Variants in APAF1 observed in about 807,000 individuals in gnomAD.
The protein encoded by APAF1 is apoptotic protease-activating factor 1.
Under a neutral mutation model 152.4 loss-of-function variants are expected in APAF1, and 91 were observed. The ratio of observed to expected loss-of-function variants is 0.60; its 90% CI spans 0.50 to 0.71. The LOEUF is 0.71. APAF1 is among the 30% of genes least tolerant of loss of function. APAF1 has a pLI of 0.00. For synonymous variants in APAF1, 484 were observed against 494.1 expected, an observed-to-expected ratio of 0.98 and a Z score of 0.27; for missense variants, 1,283 against 1,472.0, an observed-to-expected ratio of 0.87 and a Z score of 2.10.
At chr12:98,661,800 A>G (rs1218831073) in intron 5 of APAF1, among the ~76,000 whole-genome samples, 1 of 152,104 alleles carries the variant, frequency 6.6e-6, no homozygotes, top group Admixed American at 6.5e-5. Context: ...CATTCAGACA[A>G]AAATGTTATT....
At chr12:98,706,708 A>G in intron 19 of APAF1, 98 bp downstream of exon 19, 1 of 1,363,290 alleles carries the variant, frequency 7.3e-7, no homozygotes, top group Non-Finnish European at 1.0e-6. Flanking sequence ...GGTAAGCAGA[A>G]TAGGAAACTA....
intron 16 of APAF1, among the ~76,000 whole-genome samples, chr12:98,692,838 C>G (rs1037009919): frequency 6.6e-6 from 1 of 152,120 alleles, no homozygotes; most frequent in Non-Finnish European, 1.5e-5. Flanking sequence ...ACGAATAGTG[C>G]TGCAGTGAAT....
In APAF1 at chr12:98,706,361, A is replaced by C; in HGVS notation, c.2596-124A>C. ...GCATAAGACATTTTGTAGTTTTGATAGTGTGTTTCTGAGCAATATTCATTG... is the reference window on the plus strand; with the variant it reads ...GCATAAGACATTTTGTAGTTTTGATCGTGTGTTTCTGAGCAATATTCATTG... On this transcript the variant is annotated intron_variant, in intron 18 of 26. Coordinates refer to ENST00000551964, the MANE Select transcript of APAF1 (RefSeq NM_181861.2). 3 of 931,612 alleles carry C rather than the reference A, an allele frequency of 3.2e-6. No homozygotes were observed. The Admixed American group carries it at 5.2e-5, about 16-fold the overall frequency. 57.7% of individuals were successfully genotyped at this position (931,612 alleles called of 1,614,324 possible).
intron 17 of APAF1, among the ~76,000 whole-genome samples, chr12:98,702,543 G>A (rs888002021): frequency 2.6e-5 from 4 of 151,992 alleles, no homozygotes; most frequent in African/African-American, 7.2e-5. Context: ...AAGAAACTGC[G>A]GCTGGGCGTG....
intron 1 of APAF1, among the ~76,000 whole-genome samples, chr12:98,647,376 CTTG>C (rs2153303393): frequency 6.6e-6 from 1 of 151,300 alleles, no homozygotes; most frequent in African/African-American, 2.4e-5. Flanking sequence ...GATACCAACA[CTTG>C]TTTTTTTTTT....
chr12:98,646,619 T>C (rs1452904635), intron 1 of APAF1, among the ~76,000 whole-genome samples: 3 of 152,244 alleles, frequency 2.0e-5, no homozygotes, highest in African/African-American at 7.2e-5. Context: ...CAATCTTTTC[T>C]GTAGTCTTGG....
chr12:98,729,212 G>A (rs992238214), intron 26 of APAF1, among the ~76,000 whole-genome samples: 1 of 152,224 alleles, frequency 6.6e-6, no homozygotes. Flanking sequence ...ACTTGTAAAA[G>A]TGGTAGAAGA....
At chr12:98,675,270 C>G (rs183703684) in intron 12 of APAF1, among the ~76,000 whole-genome samples, 1 of 152,194 alleles carries the variant, frequency 6.6e-6, no homozygotes, top group East Asian at 1.9e-4. Context: ...TGTTATTTGT[C>G]TAGTACTTTT....
Position 98,671,000 on chromosome 12 carries a change from G to T in APAF1, c.1522G>T (p.Asp508Tyr). The T allele has an allele frequency of 6.2e-7, 1 of 1,612,544 alleles. No individual in the cohort carries two copies. Among genetic ancestry groups the T allele is most frequent in the East Asian group, 2.2e-5 (1 of 44,688 alleles). The change falls in exon 11 of 27, where the codon GAT (aspartate) becomes TAT (tyrosine). Residue 508 changes from aspartate (D) to tyrosine (Y), a missense_variant. By Grantham distance (160) the Asp-to-Tyr change is radical. Coordinates refer to ENST00000551964, the MANE Select transcript of APAF1 (RefSeq NM_181861.2). Reference sequence around the variant, plus strand: ...ACTTTGTGCTTTAATGTTTTCCCTGGATTGGATTAAAGCAAAAACAGAACT... The same window carrying T: ...ACTTTGTGCTTTAATGTTTTCCCTGTATTGGATTAAAGCAAAAACAGAACT... ...KELCALMFSL[D>Y]WIKAKTELVG...
chr12:98,680,619 T>C (rs756314920), intron 14 of APAF1, among the ~76,000 whole-genome samples: 1 of 152,068 alleles, frequency 6.6e-6, no homozygotes, highest in Non-Finnish European at 1.5e-5. Flanking sequence ...GGCATGATCA[T>C]AGCTCACTGT....
At chr12:98,715,692 A>G in intron 22 of APAF1, 140 bp downstream of exon 22, 1 of 934,204 alleles carries the variant, frequency 1.1e-6, no homozygotes, top group Non-Finnish European at 1.7e-6. Flanking sequence ...GCTTAGATGA[A>G]ACCTATGGGT....
chr12:98,686,737 T>A lies in APAF1; in HGVS notation c.2179-11T>A. 1 of 1,612,590 alleles carries A rather than the reference T, an allele frequency of 6.2e-7. No homozygotes were observed. The highest frequency in any genetic ancestry group is 8.5e-7 in the Non-Finnish European group (1 of 1,179,108). On this transcript the variant is annotated splice_polypyrimidine_tract_variant and intron_variant, in intron 15 of 26. Transcript: ENST00000551964. The stretch of plus-strand genomic sequence containing the variant: ...TAGTTGTTTATTTATCTTTTTTTCT[T>A]TCACAAATAGCTTTGGGATTTGAAT...
intron 11 of APAF1, 29 bp downstream of exon 11, chr12:98,671,115 C>A: frequency 7.4e-7 from 1 of 1,344,762 alleles, no homozygotes; most frequent in Non-Finnish European, 1.1e-6. Flanking sequence ...AAAATTAGTG[C>A]TAAAAAGGAA....
chr12:98,690,030 T>C (rs1410192915), intron 16 of APAF1, among the ~76,000 whole-genome samples: 9 of 152,216 alleles, frequency 5.9e-5, no homozygotes, highest in Non-Finnish European at 1.2e-4. Flanking sequence ...AAGTATTCAG[T>C]AAATTTTCTT....
intron 17 of APAF1, among the ~76,000 whole-genome samples, chr12:98,703,041 T>C (rs529384805): frequency 1.3e-5 from 2 of 152,318 alleles, no homozygotes; most frequent in South Asian, 4.1e-4. Flanking sequence ...TCATTTTCTC[T>C]TTTGAATAAA....
At chr12:98,718,050 C>T (rs905037093) in intron 22 of APAF1, among the ~76,000 whole-genome samples, 4 of 152,120 alleles carry the variant, frequency 2.6e-5, no homozygotes, top group African/African-American at 9.7e-5. Context: ...TGGATCTCAA[C>T]ATTTAGTATG....
At chr12:98,692,810 G>A (rs1158403856) in intron 16 of APAF1, among the ~76,000 whole-genome samples, 2 of 152,154 alleles carry the variant, frequency 1.3e-5, no homozygotes, top group Non-Finnish European at 2.9e-5. Context: ...ACCTAGGTTG[G>A]TTTGTGTCTT....
intron 19 of APAF1, among the ~76,000 whole-genome samples, chr12:98,706,816 G>A (rs751846665): frequency 1.5e-4 from 23 of 152,170 alleles, no homozygotes; most frequent in Non-Finnish European, 3.2e-4. Flanking sequence ...CATGGGCCAA[G>A]TGCTGTGGGA....
In APAF1 at chr12:98,662,477, T is replaced by C; in HGVS notation, c.732T>C (p.Asp244=). 1 of 1,613,172 alleles carries C rather than the reference T, an allele frequency of 6.2e-7. No homozygotes were observed. The highest frequency in any genetic ancestry group is 1.7e-4 in the Middle Eastern group (1 of 6,050). The change falls in exon 6 of 27, where the codon GAT becomes GAC. Residue 244 remains aspartate (D), a synonymous_variant. Coordinates refer to ENST00000551964, the MANE Select transcript of APAF1 (RefSeq NM_181861.2). ...TTAGGTCTCTCTTGATCTTGGATGA[T>C]GTTTGGGACTCTTGGGTGTTGAAAG... ...KHPRSLLILD[D]VWDSWVLKAF...
Sources: allele counts gnomAD v4.1 joint callset (sites outside exome capture counted in the v4.1 genomes callset), GRCh38; gene constraint gnomAD v4.1.1; transcripts MANE v1.5; gene names NCBI Gene and HGNC (gene_info 2026-07-23, HGNC 2026-07-21).